CHRNA7: variants seen among roughly 807,000 people sequenced by gnomAD.
CHRNA7 encodes neuronal acetylcholine receptor subunit alpha-7.
In CHRNA7, 17 loss-of-function variants were observed where a neutral mutation model predicts 48.0. That is an observed-to-expected ratio of 0.35 (90% CI 0.24 to 0.53). The LOEUF (loss-of-function observed/expected upper bound fraction) is 0.53. CHRNA7 is among the 20% of genes least tolerant of loss of function. CHRNA7 has a pLI of 0.92. For missense variants in CHRNA7, 155 were observed against 577.7 expected (o/e 0.27, Z 7.50); for synonymous variants, 75 against 242.3 (o/e 0.31, Z 6.41).
At chr15:32,089,755 T>C (rs1391563610) in intron 2 of CHRNA7, among the ~76,000 whole-genome samples, 1 of 152,240 alleles carries the variant, frequency 6.6e-6, no homozygotes, top group Non-Finnish European at 1.5e-5. Context: ...AATTGCCTTG[T>C]AATTTTTCTG....
rs139089251 is a variant in CHRNA7 at position 32,069,904 on chromosome 15, G to A, written c.196-31399G>A. ...TCAGCGAAACACCAGAACTTGAAACGCACTCTGGGCACTTAACTTGAAAGT... is the reference window on the plus strand; with the variant it reads ...TCAGCGAAACACCAGAACTTGAAACACACTCTGGGCACTTAACTTGAAAGT... On this transcript the variant is annotated intron_variant, in intron 2 of 9. Transcript: ENST00000306901. Among the ~76,000 whole-genome samples, 26 of 151,956 alleles carry A rather than the reference G, an allele frequency of 1.7e-4. No homozygotes were observed. In the East Asian group the frequency reaches 4.8e-3, roughly 28 times the overall value.
chr15:32,149,502 A>G lies in CHRNA7; in HGVS notation c.351-4405A>G, dbSNP rs2051574810. 6.6e-6 allele frequency among the ~76,000 whole-genome samples: 1 copy of G among 152,192 alleles called. No homozygotes were observed. The stretch of plus-strand genomic sequence containing the variant: ...TTTTCAGCAACAGGGCCTTTCTTCA[A>G]ACTCATCTTATCTCCACCCCTAATG... On this transcript the variant is annotated intron_variant, in intron 4 of 9. Transcript: ENST00000306901. This position sits in a 1 kb window ranked among gnomAD's most constrained non-coding sequence, Gnocchi z 4.6.
chr15:32,063,297 A>T (rs2049909953), intron 2 of CHRNA7, among the ~76,000 whole-genome samples: 1 of 152,158 alleles, frequency 6.6e-6, no homozygotes, highest in African/African-American at 2.4e-5. Context: ...AGGCAATAGG[A>T]ATTTTTTAGC....
At chr15:32,077,919 A>G (rs955931823) in intron 2 of CHRNA7, among the ~76,000 whole-genome samples, 8 of 152,220 alleles carry the variant, frequency 5.3e-5, no homozygotes, top group Non-Finnish European at 1.2e-4. Flanking sequence ...CCAGGAGGAT[A>G]GTACCAAGCC....
intron 4 of CHRNA7, among the ~76,000 whole-genome samples, chr15:32,124,142 T>G (rs1443403425): frequency 6.6e-6 from 1 of 152,146 alleles, no homozygotes; most frequent in Non-Finnish European, 1.5e-5. Flanking sequence ...ATATTGTATA[T>G]ACAGAAGGTA....
chr15:32,151,210 T>C (rs1273866607), intron 4 of CHRNA7, among the ~76,000 whole-genome samples: 1 of 152,202 alleles, frequency 6.6e-6, no homozygotes, highest in East Asian at 1.9e-4. Flanking sequence ...CAGCTCATTA[T>C]ATCTCCTCTT....
chr15:32,140,772 GT>G (rs1020695173), intron 4 of CHRNA7, among the ~76,000 whole-genome samples: 1 of 152,028 alleles, frequency 6.6e-6, no homozygotes, highest in Non-Finnish European at 1.5e-5. Flanking sequence ...TGATGGGGTT[GT>G]TTTTTTCTTG....
Position 32,126,334 on chromosome 15 carries a change from G to T in CHRNA7, c.350+14435G>T, listed in dbSNP as rs187000577. 7.9e-5 allele frequency among the ~76,000 whole-genome samples: 12 copies of T among 152,272 alleles called. No individual in the cohort carries two copies. The South Asian group carries it at 2.3e-3, about 29-fold the overall frequency. ...CATGGCTTCATAAAGACCTGTGGTA[G>T]GTAGCATCTGAGTTTGTAGTTTGCA... On this transcript the variant is annotated intron_variant, in intron 4 of 9. Transcript: ENST00000306901.
rs149077747 is a variant in CHRNA7 at position 32,053,661 on chromosome 15, T to C, written c.195+22624T>C. ...GGTATCATGTACTATGCTAATTAAG[T>C]TTCCAAGATCTAAAGCTTGAAGATA... On this transcript the variant is annotated intron_variant, in intron 2 of 9. Coordinates refer to ENST00000306901, the MANE Select transcript of CHRNA7 (RefSeq NM_000746.6). Among the ~76,000 whole-genome samples the C allele has an allele frequency of 1.8e-3, 272 of 152,342 alleles. 4 individuals carry two copies. The highest frequency in any genetic ancestry group is 0.016 in the Admixed American group (245 of 15,302).
intron 2 of CHRNA7, among the ~76,000 whole-genome samples, chr15:32,070,901 A>G (rs1198367268): frequency 6.6e-6 from 1 of 151,626 alleles, no homozygotes; most frequent in African/African-American, 2.4e-5. Context: ...GTTAGCCAGG[A>G]TGGTCTTGAT....
chr15:32,044,071 G>C (rs1056432338), intron 2 of CHRNA7, among the ~76,000 whole-genome samples: 1 of 151,988 alleles, frequency 6.6e-6, no homozygotes, highest in Non-Finnish European at 1.5e-5. Context: ...CTCTGTTCTT[G>C]TTTTCTTTGG....
intron 3 of CHRNA7, 61 bp downstream of exon 3, chr15:32,101,408 G>C: frequency 1.3e-6 from 2 of 1,510,886 alleles, no homozygotes; most frequent in Non-Finnish European, 8.9e-7. Flanking sequence ...CAAGATTCTT[G>C]TTCTGATACC....
chr15:32,094,167 T>G (rs2050428473), intron 2 of CHRNA7, among the ~76,000 whole-genome samples: 1 of 152,222 alleles, frequency 6.6e-6, no homozygotes, highest in Non-Finnish European at 1.5e-5. Flanking sequence ...GTGAAGTTCC[T>G]TAGCTTAACC....
chr15:32,131,891 G>A (rs556673772), intron 4 of CHRNA7, among the ~76,000 whole-genome samples: 1 of 152,268 alleles, frequency 6.6e-6, no homozygotes, highest in African/African-American at 2.4e-5. Context: ...CCCCCACTCA[G>A]CCTCTGTTGA....
intron 2 of CHRNA7, among the ~76,000 whole-genome samples, chr15:32,068,640 T>C (rs2050004056): frequency 6.6e-6 from 1 of 151,792 alleles, no homozygotes; most frequent in Non-Finnish European, 1.5e-5. Flanking sequence ...GGAGAATTGC[T>C]TGAACCCAGG....
chr15:32,126,575 T>A lies in CHRNA7; in HGVS notation c.350+14676T>A, dbSNP rs925051670. Among the ~76,000 whole-genome samples, 27 of 152,204 alleles carry A rather than the reference T, an allele frequency of 1.8e-4. 1 individual carries two copies. Among genetic ancestry groups the A allele is most frequent in the African/African-American group, 5.8e-4 (24 of 41,448 alleles). Reference sequence around the variant, plus strand: ...AAACTGCTAAATTTCATTTTATATATCTTCCTTCAGTCCATCTACTTAATA... The same window carrying A: ...AAACTGCTAAATTTCATTTTATATAACTTCCTTCAGTCCATCTACTTAATA... On this transcript the variant is annotated intron_variant, in intron 4 of 9. Transcript: ENST00000306901.
At chr15:32,077,792 G>A (rs1431626830) in intron 2 of CHRNA7, among the ~76,000 whole-genome samples, 1 of 152,182 alleles carries the variant, frequency 6.6e-6, no homozygotes, top group Non-Finnish European at 1.5e-5. Context: ...GGAGGAGCAT[G>A]TGTAGAGATC....
In CHRNA7 at chr15:32,075,484, G is replaced by A. The variant is rs555940672; in HGVS notation, c.196-25819G>A. Among the ~76,000 whole-genome samples the A allele has an allele frequency of 2.2e-4, 34 of 152,218 alleles. No individual in the cohort carries two copies. In the South Asian group the frequency reaches 3.1e-3, roughly 14 times the overall value. The stretch of plus-strand genomic sequence containing the variant: ...CGTCTAAATCGTCCAATTTATGAGT[G>A]TAAAATTCTTCATAGTACTTTCTTA... On this transcript the variant is annotated intron_variant, in intron 2 of 9. Coordinates refer to ENST00000306901, the MANE Select transcript of CHRNA7 (RefSeq NM_000746.6).
intron 2 of CHRNA7, among the ~76,000 whole-genome samples, chr15:32,063,829 GGACAAA>G (rs1432626411): frequency 6.6e-6 from 1 of 152,100 alleles, no homozygotes; most frequent in Non-Finnish European, 1.5e-5. Flanking sequence ...CAGGAACCAT[GGACAAA>G]GACCAAATAG....
Sources: gnomAD v4.1 joint callset for allele counts (sites outside exome capture counted in the v4.1 genomes callset) on GRCh38, gnomAD v4.1.1 for gene constraint, Gnocchi (gnomAD v3.1) non-coding constraint, MANE v1.5 for transcripts, NCBI Gene and HGNC (gene_info 2026-07-23, HGNC 2026-07-21) for gene names.